Variants in CPED1 observed in about 807,000 individuals in gnomAD.
The protein encoded by CPED1 is cadherin-like and PC-esterase domain-containing protein 1.
Under a neutral mutation model 128.2 loss-of-function variants are expected in CPED1, and 114 were observed. That is an observed-to-expected ratio of 0.89 (90% CI 0.76 to 1.04). The LOEUF (loss-of-function observed/expected upper bound fraction) is 1.04. Ranked by LOEUF, CPED1 falls within the 50% of genes least tolerant of loss-of-function variation. The pLI is 0.00. For missense variants in CPED1, 1,211 were observed against 1,207.1 expected (o/e 1.00, Z -0.05); for synonymous variants, 462 against 426.7 (o/e 1.08, Z -1.02).
intron 5 of CPED1, among the ~76,000 whole-genome samples, chr7:121,072,343 T>A (rs1425574439): frequency 6.6e-6 from 1 of 152,098 alleles, no homozygotes; most frequent in Non-Finnish European, 1.5e-5. Context: ...TAGTGGCCAC[T>A]GAATTAGCCT....
chr7:121,141,936 A>G, intron 15 of CPED1, 37 bp from the exon 16 acceptor site: 5 of 1,519,748 alleles, frequency 3.3e-6, no homozygotes, highest in Non-Finnish European at 4.6e-6. Flanking sequence ...AATCTCCCCT[A>G]TTCATATTCT....
chr7:121,147,308 T>C (rs1412235498), intron 16 of CPED1, among the ~76,000 whole-genome samples: 3 of 152,142 alleles, frequency 2.0e-5, no homozygotes, highest in African/African-American at 7.2e-5. Context: ...TTCTGCCCAA[T>C]GTAATTATTA....
chr7:121,207,525 C>G (rs1482046067), intron 16 of CPED1, among the ~76,000 whole-genome samples: 3 of 151,984 alleles, frequency 2.0e-5, no homozygotes, highest in Admixed American at 6.6e-5. Context: ...TCCAATGGCA[C>G]TAATTTCAGG....
intron 16 of CPED1, among the ~76,000 whole-genome samples, chr7:121,167,751 A>G (rs1796565628): frequency 1.3e-5 from 1 of 75,786 alleles, no homozygotes; most frequent in Non-Finnish European, 2.4e-5. Flanking sequence ...TTTTTTTTTG[A>G]GATGGAGTCT....
At position 121,085,000 on chromosome 7, in the gene CPED1, A is replaced by G. The variant is rs1206802412; in HGVS notation, c.617-12699A>G. 3.3e-5 allele frequency among the ~76,000 whole-genome samples: 5 copies of G among 152,310 alleles called. No homozygotes were observed. In the South Asian group the frequency reaches 1.0e-3, roughly 32 times the overall value. ...ATTGCTCATCGTAGTGACGGCCCCA[A>G]ATGCTCCCTTTGTCTCAGAGATCAC... On this transcript the variant is annotated intron_variant, in intron 5 of 22. Transcript: ENST00000310396.
At chr7:121,093,384 C>T (rs954477821) in intron 5 of CPED1, among the ~76,000 whole-genome samples, 5 of 118,598 alleles carry the variant, frequency 4.2e-5, no homozygotes, top group African/African-American at 1.7e-4. Flanking sequence ...GCTAATATTG[C>T]TCCCTTTTTC....
chr7:121,249,337 T>C (rs1051464930), intron 18 of CPED1, among the ~76,000 whole-genome samples: 1 of 152,086 alleles, frequency 6.6e-6, no homozygotes, highest in African/African-American at 2.4e-5. Context: ...TCCAGCTATA[T>C]GCTATATGAA....
intron 16 of CPED1, among the ~76,000 whole-genome samples, chr7:121,211,408 C>A (rs1797637948): frequency 6.6e-6 from 1 of 152,082 alleles, no homozygotes; most frequent in South Asian, 2.1e-4. Context: ...CCTTAAAACA[C>A]AGTTGGCCTT....
chr7:121,189,530 C>A (rs1331042609), intron 16 of CPED1, among the ~76,000 whole-genome samples: 1 of 151,820 alleles, frequency 6.6e-6, no homozygotes, highest in Non-Finnish European at 1.5e-5. Context: ...CACCAGGTCA[C>A]CAGGTCCCTC....
intron 22 of CPED1, among the ~76,000 whole-genome samples, chr7:121,288,356 A>T (rs1324967204): frequency 6.6e-6 from 1 of 152,196 alleles, no homozygotes; most frequent in Non-Finnish European, 1.5e-5. Context: ...CTGGGCATGA[A>T]GGGTTCCATT....
At chr7:121,229,869 A>G (rs983403667) in intron 16 of CPED1, among the ~76,000 whole-genome samples, 1 of 152,042 alleles carries the variant, frequency 6.6e-6, no homozygotes, top group Non-Finnish European at 1.5e-5. Flanking sequence ...AAATGCTTTC[A>G]GTTAACCTTA....
chr7:121,142,208 C>T, intron 16 of CPED1, 67 bp downstream of exon 16: 1 of 1,348,392 alleles, frequency 7.4e-7, no homozygotes, highest in East Asian at 2.3e-5. Context: ...GCGGAAAATG[C>T]CAAATGAAAA....
intron 16 of CPED1, among the ~76,000 whole-genome samples, chr7:121,235,035 T>G (rs975245426): frequency 2.6e-5 from 4 of 152,116 alleles, no homozygotes; most frequent in African/African-American, 9.7e-5. Flanking sequence ...TGAATTAACT[T>G]GCACTCCCAT....
At chr7:121,214,129 T>C (rs1289938639) in intron 16 of CPED1, among the ~76,000 whole-genome samples, 1 of 152,056 alleles carries the variant, frequency 6.6e-6, no homozygotes, top group African/African-American at 2.4e-5. Context: ...AATGAAGTTA[T>C]ATATTTGTGG....
chr7:121,005,955 G>C (rs1030993240), intron 2 of CPED1, among the ~76,000 whole-genome samples: 2 of 152,202 alleles, frequency 1.3e-5, no homozygotes, highest in Non-Finnish European at 2.9e-5. Context: ...AGCTGATCAT[G>C]AGTGGGGTTG....
chr7:121,278,185 A>G (rs1425997309), intron 22 of CPED1, among the ~76,000 whole-genome samples: 2 of 152,192 alleles, frequency 1.3e-5, no homozygotes, highest in African/African-American at 4.8e-5. Context: ...ATTGGATTTA[A>G]AGGAGGAAAG....
rs142692748 is a variant in CPED1 at position 121,116,058 on chromosome 7, T to G, written c.919-8273T>G. Among the ~76,000 whole-genome samples the G allele has an allele frequency of 5.6e-3, 851 of 152,320 alleles. 7 individuals carry two copies. Among genetic ancestry groups the G allele is most frequent in the African/African-American group, 0.019 (786 of 41,572 alleles). On this transcript the variant is annotated intron_variant, in intron 7 of 22. Transcript: ENST00000310396. Reference sequence around the variant, plus strand: ...AGCAAATAATTAAATTTTTATTCTATTCACAGCCTTTTGTATTTCTGTACT... The same window carrying G: ...AGCAAATAATTAAATTTTTATTCTAGTCACAGCCTTTTGTATTTCTGTACT...
intron 16 of CPED1, among the ~76,000 whole-genome samples, chr7:121,202,661 G>A (rs1314869131): frequency 1.3e-5 from 2 of 152,094 alleles, no homozygotes; most frequent in African/African-American, 4.8e-5. Context: ...CTAGACTGAT[G>A]GAAACTTGAG....
chr7:121,088,452 G>A (rs1380668737), intron 5 of CPED1, among the ~76,000 whole-genome samples: 1 of 151,988 alleles, frequency 6.6e-6, no homozygotes, highest in African/African-American at 2.4e-5. Context: ...GATGTCAAGA[G>A]TTCAAGACCA....
Sources: gnomAD v4.1 joint callset for allele counts (sites outside exome capture counted in the v4.1 genomes callset) on GRCh38, gnomAD v4.1.1 for gene constraint, MANE v1.5 for transcripts, NCBI Gene and HGNC (gene_info 2026-07-23, HGNC 2026-07-21) for gene names.